Variants in SDK2 observed in about 807,000 individuals in gnomAD.
SDK2 encodes protein sidekick-2.
A neutral mutation model predicts 253.9 loss-of-function variants in SDK2; 105 were observed. That is an observed-to-expected ratio of 0.41 (90% CI 0.35 to 0.49). The LOEUF is 0.49. SDK2 is among the 20% of genes least tolerant of loss of function. The pLI is 0.06. For synonymous variants in SDK2, 1,249 were observed against 1,234.9 expected, an observed-to-expected ratio of 1.01 and a Z score of -0.24; for missense variants, 2,608 against 3,003.0, an observed-to-expected ratio of 0.87 and a Z score of 3.07.
chr17:73,597,808 G>T (rs1290096563), intron 1 of SDK2, among the ~76,000 whole-genome samples: 1 of 151,962 alleles, frequency 6.6e-6, no homozygotes, highest in South Asian at 2.1e-4. Context: ...ACCACGCCCG[G>T]GTAATTTTTT....
At chr17:73,409,203 G>C (rs1005917428) in intron 18 of SDK2, among the ~76,000 whole-genome samples, 2 of 152,136 alleles carry the variant, frequency 1.3e-5, no homozygotes, top group Non-Finnish European at 2.9e-5. Context: ...GGGGGCAGCC[G>C]GGTGTGGTGG....
intron 2 of SDK2, among the ~76,000 whole-genome samples, chr17:73,500,449 A>AT (rs1204441390): frequency 2.2e-4 from 18 of 82,060 alleles, no homozygotes; most frequent in East Asian, 7.2e-4. Flanking sequence ...TCCTCCCTCC[A>AT]TCTCCTCCAT....
intron 36 of SDK2, among the ~76,000 whole-genome samples, chr17:73,372,348 T>G (rs1019258869): frequency 2.0e-5 from 3 of 152,106 alleles, no homozygotes; most frequent in Non-Finnish European, 4.4e-5. Context: ...GAATGCAGGC[T>G]CCAGCGGGCA....
chr17:73,611,844 G>C (rs1334278827), intron 1 of SDK2, among the ~76,000 whole-genome samples: 1 of 152,344 alleles, frequency 6.6e-6, no homozygotes, highest in East Asian at 1.9e-4. Flanking sequence ...AAGCTGGAGG[G>C]AGTCGCCACC....
chr17:73,534,648 G>A lies in SDK2; in HGVS notation c.65-27051C>T, dbSNP rs2064199474. On this transcript the variant is annotated intron_variant, in intron 1 of 44. Coordinates refer to ENST00000392650, the MANE Select transcript of SDK2 (RefSeq NM_001144952.2). The surrounding 1 kb of genome is among the most constrained non-coding windows in gnomAD (Gnocchi z 4.9). ...AGGTCTTGGAGTGTTGGTGCTGGCT[G>A]GCTCTGGTGAGGAGGTGTGACTGCA... 6.6e-6 allele frequency among the ~76,000 whole-genome samples: 1 copy of A among 152,172 alleles called. No individual in the cohort carries two copies. Among genetic ancestry groups the A allele is most frequent in the Non-Finnish European group, 1.5e-5 (1 of 68,032 alleles).
At position 73,430,549 on chromosome 17, in the gene SDK2, C is replaced by T. The variant is rs1453586603; in HGVS notation, c.1545G>A (p.Met515Ile). 1.9e-6 allele frequency: 3 copies of T among 1,605,654 alleles called. No individual in the cohort carries two copies. The highest frequency in any genetic ancestry group is 1.7e-6 in the Non-Finnish European group (2 of 1,176,024). Residue 515 changes from methionine to isoleucine, a missense_variant, in exon 12 of 45, where the codon ATG becomes ATA. Met to Ile is a conservative substitution (Grantham distance 10). Transcript: ENST00000392650. ...GGGGGTCGTGGGTCACTCCGCACAC[C>T]ATGGAGGCCTGGGTGCCCTTGATGA... The part of the protein sequence containing the change: ...QSVIKGTQAS[M>I]VCGVTHDPRV...
At chr17:73,587,438 G>T (rs1005275016) in intron 1 of SDK2, among the ~76,000 whole-genome samples, 2 of 152,206 alleles carry the variant, frequency 1.3e-5, no homozygotes, top group African/African-American at 4.8e-5. Flanking sequence ...CTGTCCCTGG[G>T]TCACTCCAGC....
At chr17:73,417,888 T>C (rs1351525155) in intron 16 of SDK2, among the ~76,000 whole-genome samples, 1 of 152,136 alleles carries the variant, frequency 6.6e-6, no homozygotes, top group Non-Finnish European at 1.5e-5. Flanking sequence ...AGAAACACGA[T>C]GCATATATAA....
intron 2 of SDK2, among the ~76,000 whole-genome samples, chr17:73,493,836 A>G (rs16977642): frequency 0.018 from 2,813 of 152,332 alleles, 63 homozygotes; most frequent in African/African-American, 0.059. Flanking sequence ...TTTGAGAGAC[A>G]GCAGCATCGC....
intron 5 of SDK2, among the ~76,000 whole-genome samples, chr17:73,445,930 C>T (rs2063450336): frequency 6.6e-6 from 1 of 152,140 alleles, no homozygotes; most frequent in African/African-American, 2.4e-5. Context: ...AGGTGACCTG[C>T]CCACCTCCCT....
At position 73,639,714 on chromosome 17, in the gene SDK2, T is replaced by C. The variant is rs1004602963; in HGVS notation, c.64+4311A>G. On this transcript the variant is annotated intron_variant, in intron 1 of 44. Transcript: ENST00000392650. This position sits in a 1 kb window ranked among gnomAD's most constrained non-coding sequence, Gnocchi z 4.3. ...GCCTCCCAGAGGGGCTGGGAGTCCGTAGGGACAGGGAGAGGGTTCCAGCCA... is the reference window on the plus strand; with the variant it reads ...GCCTCCCAGAGGGGCTGGGAGTCCGCAGGGACAGGGAGAGGGTTCCAGCCA... Among the ~76,000 whole-genome samples, 34 of 152,096 alleles carry C rather than the reference T, an allele frequency of 2.2e-4. No individual in the cohort carries two copies. Among genetic ancestry groups the C allele is most frequent in the Middle Eastern group, 3.4e-3 (1 of 294 alleles).
At chr17:73,590,709 C>T (rs1183479716) in intron 1 of SDK2, among the ~76,000 whole-genome samples, 7 of 152,190 alleles carry the variant, frequency 4.6e-5, no homozygotes, top group Non-Finnish European at 8.8e-5. Context: ...AGAACATGGG[C>T]TGTGCATGGA....
rs79032809 is a variant in SDK2, at chr17:73,349,114, G to A, written c.6039-389C>T. ...GGGTAGGAGAGGCTGGGAAGGGCAG[G>A]GGAAGGTGAGGCCACGTGTGAAATG... is the stretch of plus-strand genomic sequence containing the variant. On this transcript the variant is annotated intron_variant, in intron 43 of 44. Coordinates refer to ENST00000392650, the MANE Select transcript of SDK2 (RefSeq NM_001144952.2). Among the ~76,000 whole-genome samples, 1,040 of 152,292 alleles carry A rather than the reference G, an allele frequency of 6.8e-3. 11 individuals are homozygous for A. The highest frequency in any genetic ancestry group is 0.024 in the African/African-American group (994 of 41,572).
chr17:73,533,676 G>GCCCCCCTC (rs1314259475), intron 1 of SDK2, among the ~76,000 whole-genome samples: 1 of 45,726 alleles, frequency 2.2e-5, no homozygotes, highest in African/African-American at 7.5e-5. Flanking sequence ...CCCTCCCCCA[G>GCCCCCCTC]CCCCCCACCC....
intron 38 of SDK2, among the ~76,000 whole-genome samples, chr17:73,363,899 T>A (rs933641416): frequency 6.6e-6 from 1 of 151,804 alleles, no homozygotes; most frequent in Non-Finnish European, 1.5e-5. Flanking sequence ...GGCTCCCCCC[T>A]GGTGTTCTAA....
At chr17:73,489,128 A>C (rs977418545) in intron 2 of SDK2, among the ~76,000 whole-genome samples, 3 of 152,196 alleles carry the variant, frequency 2.0e-5, no homozygotes, top group African/African-American at 7.2e-5. Context: ...CCTTGTCTCC[A>C]TGTACTGTGG....
intron 1 of SDK2, among the ~76,000 whole-genome samples, chr17:73,597,358 A>T (rs1466555185): frequency 6.6e-6 from 1 of 152,098 alleles, no homozygotes; most frequent in Non-Finnish European, 1.5e-5. Flanking sequence ...GCCAGGTATG[A>T]CCCTCTGACC....
chr17:73,368,583 C>T lies in SDK2; in HGVS notation c.4991G>A (p.Trp1664Ter), dbSNP rs1317976920. The change falls in exon 37 of 45, where the codon TGG (tryptophan) becomes TAG (stop). Residue 1664 changes from tryptophan to a stop codon, truncating the protein, a stop_gained. Transcript: ENST00000392650. LOFTEE classifies it high-confidence loss of function. The part of the protein sequence containing the change: ...GDIQGYKIYF[W>*]EAQRGNLTER... ...TGTGAGGTTCCCCCGCTGGGCTTCC[C>T]AGAAATAAATCTGTGGGAACAGAAG... 1.9e-6 allele frequency: 3 copies of T among 1,582,876 alleles called. No homozygotes were observed. Among genetic ancestry groups the T allele is most frequent in the Non-Finnish European group, 2.6e-6 (3 of 1,164,398 alleles).
At chr17:73,359,540 G>A (rs1319869192) in intron 39 of SDK2, among the ~76,000 whole-genome samples, 1 of 152,200 alleles carries the variant, frequency 6.6e-6, no homozygotes, top group African/African-American at 2.4e-5. Context: ...GACAGAGCCT[G>A]CACCTTCTCC....
Sources: allele counts gnomAD v4.1 joint callset (sites outside exome capture counted in the v4.1 genomes callset), GRCh38; gene constraint gnomAD v4.1.1; non-coding constraint Gnocchi (gnomAD v3.1); transcripts MANE v1.5; gene names NCBI Gene and HGNC (gene_info 2026-07-23, HGNC 2026-07-21).